NCAM2: variants seen among roughly 807,000 people sequenced by gnomAD.
NCAM2 encodes N-CAM-2.
In NCAM2, 30 loss-of-function variants were observed where a neutral mutation model predicts 98.1. The ratio of observed to expected loss-of-function variants is 0.31; its 90% CI spans 0.23 to 0.41. The LOEUF (loss-of-function observed/expected upper bound fraction) is 0.41. Ranked by LOEUF, NCAM2 falls within the 10% of genes least tolerant of loss-of-function variation. NCAM2 has a pLI of 1.00. For synonymous variants in NCAM2, 368 were observed against 342.4 expected (o/e 1.07, Z -0.83); for missense variants, 867 against 1,005.8 (o/e 0.86, Z 1.87).
chr21:21,490,253 AT>A (rs147435435), intron 15 of NCAM2, among the ~76,000 whole-genome samples: 15,046 of 151,996 alleles, frequency 0.099, 2,458 homozygotes, highest in African/African-American at 0.34. Context: ...AATGTAAAAA[AT>A]AATTATGTTT....
intron 15 of NCAM2, among the ~76,000 whole-genome samples, chr21:21,505,361 C>T (rs974728149): frequency 6.6e-6 from 1 of 151,960 alleles, no homozygotes. Context: ...GGAAAAGAGC[C>T]CTCACCAGAA....
intron 1 of NCAM2, among the ~76,000 whole-genome samples, chr21:21,107,069 A>G (rs2066363803): frequency 6.6e-6 from 1 of 152,078 alleles, no homozygotes; most frequent in Non-Finnish European, 1.5e-5. Flanking sequence ...TGCTTTTCAT[A>G]TTTATTTGAT....
At chr21:21,318,656 C>A (rs1392583843) in intron 5 of NCAM2, among the ~76,000 whole-genome samples, 1 of 152,000 alleles carries the variant, frequency 6.6e-6, no homozygotes, top group Non-Finnish European at 1.5e-5. Context: ...ATTCTTAAAT[C>A]AACATATTAA....
chr21:21,115,957 T>TTGTGTGTGTGTGTGTGTGTGTGTG (rs58824475), intron 1 of NCAM2, among the ~76,000 whole-genome samples: 1 of 147,174 alleles, frequency 6.8e-6, no homozygotes, highest in Non-Finnish European at 1.5e-5. Context: ...CTCTGAGATT[T>TTGTGTGTGTGTGTGTGTGTGTGTG]TGTGTGTGTG....
chr21:21,512,242 A>G (rs904004472), intron 16 of NCAM2, among the ~76,000 whole-genome samples: 3 of 151,902 alleles, frequency 2.0e-5, no homozygotes, highest in Admixed American at 6.6e-5. Context: ...GATTTAAGTC[A>G]TTATTCTGTT....
At chr21:21,508,702 G>C (rs564518112) in intron 15 of NCAM2, 149 bp from the exon 16 acceptor site, 3 of 573,308 alleles carry the variant, frequency 5.2e-6, no homozygotes, top group Non-Finnish European at 8.2e-6. Context: ...GAATTCTGCC[G>C]GTTACTATGA....
In NCAM2 at chr21:20,998,555, G is replaced by A. The variant is rs1262047947; in HGVS notation, c.-9G>A. On this transcript the variant is annotated 5_prime_UTR_variant, in exon 1 of 18. Transcript: ENST00000400546. ...CTTTGAAACTGTCCACCGGTGTCAC[G>A]TCCTGAACATGAGCCTCCTCCTCTC... The A allele has an allele frequency of 5.0e-6, 8 of 1,613,844 alleles. No homozygotes were observed. The highest frequency in any genetic ancestry group is 6.8e-6 in the Non-Finnish European group (8 of 1,179,804).
chr21:21,080,856 C>T (rs2065783181), intron 1 of NCAM2, among the ~76,000 whole-genome samples: 1 of 151,762 alleles, frequency 6.6e-6, no homozygotes, highest in Non-Finnish European at 1.5e-5. Context: ...AAATGTTCGA[C>T]CAATGGGTAT....
chr21:21,151,196 T>C (rs887487136), intron 1 of NCAM2, among the ~76,000 whole-genome samples: 2 of 152,056 alleles, frequency 1.3e-5, no homozygotes. Flanking sequence ...TAATATAATC[T>C]GGAGGATTTA....
At chr21:21,533,443 T>C (rs1291302972) in intron 16 of NCAM2, among the ~76,000 whole-genome samples, 1 of 151,964 alleles carries the variant, frequency 6.6e-6, no homozygotes, top group African/African-American at 2.4e-5. Context: ...TATATTTTCA[T>C]GGTAGTTAGC....
At chr21:21,393,197 T>G (rs1459578592) in intron 9 of NCAM2, among the ~76,000 whole-genome samples, 1 of 152,206 alleles carries the variant, frequency 6.6e-6, no homozygotes, top group Non-Finnish European at 1.5e-5. Context: ...ATTTATTGAA[T>G]AGGGAATCCT....
rs554689344 is a variant in NCAM2, at chr21:21,440,138, T to C, written c.1654+7857T>C. 2.6e-5 allele frequency among the ~76,000 whole-genome samples: 4 copies of C among 152,334 alleles called. No individual in the cohort carries two copies. In the East Asian group the frequency reaches 7.7e-4, roughly 29 times the overall value. On this transcript the variant is annotated intron_variant, in intron 12 of 17. Coordinates refer to ENST00000400546, the MANE Select transcript of NCAM2 (RefSeq NM_004540.5). ...TTCATGCTTACATATTTCTAACAGC[T>C]TGACATTTTAAAAAATGTGTCATTA...
At chr21:21,507,138 ACACT>A (rs1018997158) in intron 15 of NCAM2, among the ~76,000 whole-genome samples, 3 of 152,066 alleles carry the variant, frequency 2.0e-5, no homozygotes, top group African/African-American at 7.2e-5. Flanking sequence ...TGTAGACATG[ACACT>A]CAGTCATCCT....
chr21:21,470,594 C>A (rs1401299774), intron 14 of NCAM2, among the ~76,000 whole-genome samples: 1 of 152,048 alleles, frequency 6.6e-6, no homozygotes, highest in Non-Finnish European at 1.5e-5. Context: ...CTCCTCCCAA[C>A]CTAATGGTAA....
chr21:21,396,891 T>G (rs232442), intron 9 of NCAM2, among the ~76,000 whole-genome samples: 5 of 152,200 alleles, frequency 3.3e-5, no homozygotes, highest in Admixed American at 2.0e-4. Flanking sequence ...TCTCTCCTTC[T>G]CATTGCCTGC....
At chr21:21,302,119 C>A (rs888507011) in intron 5 of NCAM2, among the ~76,000 whole-genome samples, 1 of 150,258 alleles carries the variant, frequency 6.7e-6, no homozygotes, top group Non-Finnish European at 1.5e-5. Context: ...TGGGTATATA[C>A]CCAAAGGACT....
chr21:21,233,522 A>G (rs62209187), intron 1 of NCAM2, among the ~76,000 whole-genome samples: 3,430 of 151,758 alleles, frequency 0.023, 58 homozygotes, highest in Admixed American at 0.044. Context: ...AATTATTGAA[A>G]TGATCAGCTA....
intron 14 of NCAM2, among the ~76,000 whole-genome samples, chr21:21,471,893 G>A (rs1395227401): frequency 2.6e-5 from 4 of 151,984 alleles, no homozygotes; most frequent in Admixed American, 6.6e-5. Context: ...AGTAATAAAA[G>A]CAGAATGAGA....
rs2073024520 is a variant in NCAM2 at position 21,284,272 on chromosome 21, A to G, written c.209A>G (p.Gln70Arg). Reference sequence around the variant, plus strand: ...ATTTCAACACAGAGGGTAGTAGTGCAAAAGGAAGGTGTTAGGTCACGGTTA... The same window carrying G: ...ATTTCAACACAGAGGGTAGTAGTGCGAAAGGAAGGTGTTAGGTCACGGTTA... ...KIISTQRVVV[Q>R]KEGVRSRLTI... The change falls in exon 3 of 18, where the codon CAA becomes CGA. Residue 70 changes from glutamine (Q) to arginine (R), a missense_variant. Transcript: ENST00000400546. 4.3e-6 allele frequency: 7 copies of G among 1,612,104 alleles called. No individual in the cohort carries two copies. Among genetic ancestry groups the G allele is most frequent in the Non-Finnish European group, 5.9e-6 (7 of 1,178,500 alleles).
Sources: gnomAD v4.1 joint callset for allele counts (sites outside exome capture counted in the v4.1 genomes callset) on GRCh38, gnomAD v4.1.1 for gene constraint, MANE v1.5 for transcripts, NCBI Gene and HGNC (gene_info 2026-07-23, HGNC 2026-07-21) for gene names.